Variants in TBCK observed in about 807,000 individuals in gnomAD.
TBCK encodes TBC domain-containing protein kinase-like protein.
TBCK carries 99 observed loss-of-function variants against 113.4 expected under a neutral mutation model. The observed-to-expected ratio is 0.87, with a 90% CI of 0.74 to 1.03. The LOEUF (loss-of-function observed/expected upper bound fraction) is 1.03, where lower values mean the gene tolerates loss of function less well. Ranked by LOEUF, TBCK falls within the 50% of genes least tolerant of loss-of-function variation. The pLI is 0.00. For synonymous variants in TBCK, 369 were observed against 370.8 expected, an observed-to-expected ratio of 1.00 and a Z score of 0.05; for missense variants, 1,045 against 1,061.3, an observed-to-expected ratio of 0.98 and a Z score of 0.21.
At chr4:106,049,715 A>G (rs774044301) in intron 25 of TBCK, among the ~76,000 whole-genome samples, 9 of 151,994 alleles carry the variant, frequency 5.9e-5, no homozygotes, top group Admixed American at 5.9e-4. Flanking sequence ...ACAAATCTAC[A>G]CTTACTGAGC....
At chr4:106,150,746 A>T (rs1326175816) in intron 23 of TBCK, among the ~76,000 whole-genome samples, 1 of 152,116 alleles carries the variant, frequency 6.6e-6, no homozygotes, top group Admixed American at 6.6e-5. Flanking sequence ...TGTAATTATA[A>T]TCCATGCCAT....
chr4:106,083,320 G>A (rs528356016), intron 25 of TBCK, among the ~76,000 whole-genome samples: 1 of 152,060 alleles, frequency 6.6e-6, no homozygotes, highest in Non-Finnish European at 1.5e-5. Flanking sequence ...GTGGCAGTCT[G>A]CGGCCAAAGT....
At chr4:106,211,472 G>A (rs6819081) in intron 20 of TBCK, among the ~76,000 whole-genome samples, 90,544 of 151,866 alleles carry the variant, frequency 0.6, 27,311 homozygotes, top group Non-Finnish European at 0.64. Context: ...ATAACACAAT[G>A]CATCACATGT....
chr4:106,116,428 C>T, intron 23 of TBCK, 50 bp from the exon 24 acceptor site: 1 of 1,411,782 alleles, frequency 7.1e-7, no homozygotes, highest in Non-Finnish European at 9.8e-7. Context: ...TATAGAAAAA[C>T]AAATTATCCC....
At chr4:106,132,723 G>A (rs1746099029) in intron 23 of TBCK, among the ~76,000 whole-genome samples, 1 of 152,238 alleles carries the variant, frequency 6.6e-6, no homozygotes, top group African/African-American at 2.4e-5. Flanking sequence ...TGCCAGAGGG[G>A]CAGAGCTGCC....
At chr4:106,075,682 GTAAAAT>G (rs1293913053) in intron 25 of TBCK, among the ~76,000 whole-genome samples, 1 of 151,992 alleles carries the variant, frequency 6.6e-6, no homozygotes, top group Non-Finnish European at 1.5e-5. Context: ...TACCTTTATG[GTAAAAT>G]TAAAATGAAC....
Position 106,262,113 on chromosome 4 carries a change from G to A in TBCK, c.366C>T (p.Ile122=), listed in dbSNP as rs1334851789. ...TAACAATTACCTTTCGGTCCAACAG[G>A]ATATTATGAGGAGACAATGCCCTGT... is the stretch of plus-strand genomic sequence containing the variant. ...IVHRALSPHN[I]LLDRKGHIKL... is the part of the protein sequence containing the mutation. The change falls in exon 4 of 26, where the codon ATC becomes ATT. Residue 122 remains isoleucine, a synonymous_variant. Transcript: ENST00000394708. 3.3e-6 allele frequency: 5 copies of A among 1,532,286 alleles called. No homozygotes were observed. The highest frequency in any genetic ancestry group is 3.5e-6 in the Non-Finnish European group (4 of 1,135,784). The allele number at this position is 1,532,286 out of a possible 1,614,324, so 94.9% of individuals were successfully genotyped here.
upstream of TBCK, chr4:106,316,538 C>G: frequency 6.4e-7 from 1 of 1,551,598 alleles, no homozygotes; most frequent in Non-Finnish European, 8.7e-7. Flanking sequence ...ACGCGGGTGG[C>G]TGGACCTACA....
intron 3 of TBCK, among the ~76,000 whole-genome samples, chr4:106,281,917 G>A (rs746238274): frequency 2.0e-5 from 3 of 152,076 alleles, no homozygotes; most frequent in South Asian, 2.1e-4. Context: ...TATTGGCCTC[G>A]TAGAATGAGC....
At chr4:106,285,941 G>A (rs1261993727) in intron 3 of TBCK, among the ~76,000 whole-genome samples, 2 of 152,074 alleles carry the variant, frequency 1.3e-5, no homozygotes, top group East Asian at 1.9e-4. Flanking sequence ...CTCTGTTACT[G>A]GAGACTAATG....
chr4:106,223,168 T>C lies in TBCK; in HGVS notation c.1774+7195A>G, dbSNP rs115015792. ...GCAAAGATGTGCACTAAGCTGCACA[T>C]ATATTAAAAGTAATGGAAAAAAACA... On this transcript the variant is annotated intron_variant, in intron 19 of 25. Transcript: ENST00000394708. 5.7e-3 allele frequency among the ~76,000 whole-genome samples: 868 copies of C among 152,236 alleles called. 10 individuals are homozygous for C. Among genetic ancestry groups the C allele is most frequent in the African/African-American group, 0.02 (838 of 41,556 alleles).
At chr4:106,188,131 C>T (rs1436040566) in intron 22 of TBCK, among the ~76,000 whole-genome samples, 1 of 152,070 alleles carries the variant, frequency 6.6e-6, no homozygotes, top group Non-Finnish European at 1.5e-5. Flanking sequence ...TGTTTAAATT[C>T]TCAAGGGGAA....
chr4:106,159,161 A>G (rs1255202915), intron 23 of TBCK, among the ~76,000 whole-genome samples: 1 of 152,154 alleles, frequency 6.6e-6, no homozygotes, highest in Non-Finnish European at 1.5e-5. Flanking sequence ...AATAAAAGTC[A>G]TATATGAAAA....
At chr4:106,080,416 T>C (rs1040745771) in intron 25 of TBCK, among the ~76,000 whole-genome samples, 1 of 152,094 alleles carries the variant, frequency 6.6e-6, no homozygotes, top group Non-Finnish European at 1.5e-5. Flanking sequence ...CTATAATACA[T>C]AATGGGGAAA....
At position 106,095,483 on chromosome 4, in the gene TBCK, T is replaced by C; in HGVS notation, c.2570A>G (p.Glu857Gly). The stretch of plus-strand genomic sequence containing the variant: ...TATGACATTTCTGAATATACTTACC[T>C]CAGCTGTGTGTTTTGCCACATGCCC... ...IVGHVAKHTA[E>G]FAAHLVKMKY... The change falls in exon 25 of 26, where the codon GAG becomes GGG. Residue 857 changes from glutamate (E) to glycine (G), a missense_variant and splice_region_variant. By Grantham distance (98) the Glu-to-Gly change is moderately conservative. Transcript: ENST00000394708. 6.2e-7 allele frequency: 1 copy of C among 1,613,468 alleles called. No individual in the cohort carries two copies. Among genetic ancestry groups the C allele is most frequent in the African/African-American group, 1.3e-5 (1 of 75,040 alleles).
At chr4:106,131,341 C>T (rs915011087) in intron 23 of TBCK, among the ~76,000 whole-genome samples, 2 of 152,274 alleles carry the variant, frequency 1.3e-5, no homozygotes, top group Admixed American at 6.5e-5. Context: ...GGCCAGGCGC[C>T]GTGGCTCATG....
intron 2 of TBCK, among the ~76,000 whole-genome samples, chr4:106,304,349 C>G (rs1767275546): frequency 6.6e-6 from 1 of 152,134 alleles, no homozygotes; most frequent in African/African-American, 2.4e-5. Flanking sequence ...CCCATAACAA[C>G]AGACATAAGA....
intron 14 of TBCK, 102 bp from the exon 15 acceptor site, chr4:106,235,469 C>A: frequency 1.6e-6 from 1 of 616,080 alleles, no homozygotes; most frequent in Non-Finnish European, 2.6e-6. Flanking sequence ...AAGTGACTTG[C>A]AATAAATTTC....
chr4:106,315,552 C>T (rs1003664665), intron 1 of TBCK: 1 of 152,242 alleles, frequency 6.6e-6, no homozygotes, highest in Admixed American at 6.5e-5. Flanking sequence ...TCACTTTCTC[C>T]TACTGCTCAA....
Sources: gnomAD v4.1 joint callset for allele counts (sites outside exome capture counted in the v4.1 genomes callset) on GRCh38, gnomAD v4.1.1 for gene constraint, MANE v1.5 for transcripts, NCBI Gene and HGNC (gene_info 2026-07-23, HGNC 2026-07-21) for gene names.